NECTIN1: variants seen among roughly 807,000 people sequenced by gnomAD.
NECTIN1 encodes nectin cell adhesion molecule 1, also known as nectin-1.
In NECTIN1, 23 loss-of-function variants were observed where a neutral mutation model predicts 48.0. The observed-to-expected ratio is 0.48, with a 90% CI of 0.34 to 0.68. The LOEUF is 0.68. NECTIN1 is among the 30% of genes least tolerant of loss of function. NECTIN1 has a pLI of 0.01. For missense variants in NECTIN1, 591 were observed against 709.9 expected (o/e 0.83, Z 1.90); for synonymous variants, 270 against 288.9 (o/e 0.93, Z 0.66).
chr11:119,673,724 A>C lies in NECTIN1; in HGVS notation c.1003+1435T>G, dbSNP rs1280229475. Among the ~76,000 whole-genome samples the C allele has an allele frequency of 6.6e-6, 1 of 150,512 alleles. No individual in the cohort carries two copies. On this transcript the variant is annotated intron_variant, in intron 5 of 5. Transcript: ENST00000264025. This position sits in a 1 kb window ranked among gnomAD's most constrained non-coding sequence, Gnocchi z 5.8. ...ATGGAACACAGGCCCTGCCCTTCCC[A>C]CCTCCCCCTTGACTCCCCCAGTATC...
chr11:119,721,939 AG>A (rs1865837932), intron 1 of NECTIN1, among the ~76,000 whole-genome samples: 1 of 152,216 alleles, frequency 6.6e-6, no homozygotes, highest in African/African-American at 2.4e-5. Flanking sequence ...TCACTTCCCC[AG>A]GGAGCTGCCA....
At chr11:119,675,378 C>G in intron 4 of NECTIN1, 68 bp from the exon 5 acceptor site, 15 of 1,588,300 alleles carry the variant, frequency 9.4e-6, no homozygotes, top group Non-Finnish European at 1.3e-5. Flanking sequence ...TCCTGGGTCA[C>G]CCACTTGGCT....
rs142557114 is a variant in NECTIN1 at position 119,648,143 on chromosome 11, C to T, written c.1004-8131G>A. 1.9e-3 allele frequency among the ~76,000 whole-genome samples: 263 copies of T among 140,020 alleles called. 1 individual carries two copies. Among genetic ancestry groups the T allele is most frequent in the Admixed American group, 2.6e-3 (36 of 13,660 alleles). 91.9% of individuals were successfully genotyped at this position (140,020 alleles called of 152,430 possible). On this transcript the variant is annotated intron_variant, in intron 5 of 7. Transcript: ENST00000341398. Reference sequence around the variant, plus strand: ...AAGCACGTGAGAGCCTGGCACTGAGCGGCGCCCAGAAATAATAGGAATAGG... The same window carrying T: ...AAGCACGTGAGAGCCTGGCACTGAGTGGCGCCCAGAAATAATAGGAATAGG...
intron 5 of NECTIN1, among the ~76,000 whole-genome samples, chr11:119,668,430 T>C (rs1398455649): frequency 1.3e-5 from 2 of 152,242 alleles, no homozygotes; most frequent in Non-Finnish European, 2.9e-5. Flanking sequence ...CTGTGCAGTC[T>C]GGCCTTCAAA....
chr11:119,648,264 A>AGTG lies in NECTIN1; in HGVS notation c.1004-8255_1004-8253dup, dbSNP rs1351679476. 1.7e-4 allele frequency among the ~76,000 whole-genome samples: 5 copies of AGTG among 29,754 alleles called. 1 individual carries two copies. Among genetic ancestry groups the AGTG allele is most frequent in the Non-Finnish European group, 2.8e-4 (5 of 17,856 alleles). The allele number at this position is 29,754 out of a possible 152,430, so 19.5% of individuals were successfully genotyped here. ...TAGTGGTGGTGATAGAGGTGGTAAT[A>AGTG]GTGGTGGTGGTGATGGTGGTGGTGA... On this transcript the variant is annotated intron_variant, in intron 5 of 7. Coordinates refer to the NECTIN1 transcript ENST00000341398.
intron 5 of NECTIN1, among the ~76,000 whole-genome samples, chr11:119,648,310 G>GTGGTGGTGA (rs1864434674): frequency 1.7e-4 from 1 of 5,944 alleles, no homozygotes; most frequent in African/African-American, 5.2e-4. Context: ...GGTGGTGATG[G>GTGGTGGTGA]TGGTGATGGT....
At chr11:119,703,278 C>T (rs1865486831) in intron 1 of NECTIN1, among the ~76,000 whole-genome samples, 2 of 152,220 alleles carry the variant, frequency 1.3e-5, no homozygotes, top group African/African-American at 2.4e-5. Flanking sequence ...TTCTGCCTGG[C>T]CCCACTCTGT....
Position 119,672,155 on chromosome 11 carries a change from A to G in NECTIN1, c.1003+3004T>C, listed in dbSNP as rs1864869232. Among the ~76,000 whole-genome samples the G allele has an allele frequency of 4.6e-5, 7 of 152,288 alleles. No homozygotes were observed. In the South Asian group the frequency reaches 1.5e-3, roughly 32 times the overall value. ...GAGCCCGGGCTTCACTGGAAATGTG[A>G]GTTGGGACAGACGCCCTGCACCCTG... On this transcript the variant is annotated intron_variant, in intron 5 of 5. Transcript: ENST00000264025. The surrounding 1 kb of genome is among the most constrained non-coding windows in gnomAD (Gnocchi z 4.3).
chr11:119,700,624 A>T lies in NECTIN1; in HGVS notation c.80-21859T>A, dbSNP rs138855626. ...GTGGGTGGGGAGTGTTCACTTCCAC[A>T]TTCCCAGGGTCCTGTAGCTCAGCGG... On this transcript the variant is annotated intron_variant, in intron 1 of 5. Transcript: ENST00000264025. 1.5e-3 allele frequency among the ~76,000 whole-genome samples: 229 copies of T among 152,312 alleles called. 1 individual carries two copies. The highest frequency in any genetic ancestry group is 6.8e-3 in the Middle Eastern group (2 of 294).
Position 119,665,071 on chromosome 11 carries a change from T to C in NECTIN1, c.1230A>G (p.Pro410=). 2 of 1,613,902 alleles carry C rather than the reference T, an allele frequency of 1.2e-6. No individual in the cohort carries two copies. The highest frequency in any genetic ancestry group is 1.7e-6 in the Non-Finnish European group (2 of 1,179,942). ...GGTACTGCAGGTTCTGTGCCATTGG[T>C]GGGTGGTGCTGGGGGATGCCTGCCT... ...YSKAGIPQHH[P]PMAQNLQYPD... The change falls in exon 6 of 6, where the codon CCA becomes CCG. Residue 410 remains proline (P), a synonymous_variant. Coordinates refer to ENST00000264025, the MANE Select transcript of NECTIN1 (RefSeq NM_002855.5). The surrounding 1 kb of genome is among the most constrained non-coding windows in gnomAD (Gnocchi z 5.1).
chr11:119,702,979 T>C (rs567467208), intron 1 of NECTIN1, among the ~76,000 whole-genome samples: 4 of 152,286 alleles, frequency 2.6e-5, no homozygotes, highest in South Asian at 4.1e-4. Flanking sequence ...TTGCTCTATG[T>C]TCCCACCAGG....
intron 7 of NECTIN1, chr11:119,638,702 G>C: frequency 6.3e-7 from 1 of 1,599,188 alleles, no homozygotes; most frequent in Non-Finnish European, 8.6e-7. Flanking sequence ...GCAGTCCAGG[G>C]ACCTTGTCCT....
At chr11:119,654,307 C>A (rs1057365779) in intron 5 of NECTIN1, 2 of 152,238 alleles carry the variant, frequency 1.3e-5, no homozygotes, top group South Asian at 2.1e-4. Context: ...AACCATCCAA[C>A]CCCCTCTTGC....
intron 1 of NECTIN1, among the ~76,000 whole-genome samples, chr11:119,716,447 C>G (rs1470486552): frequency 6.6e-6 from 1 of 152,192 alleles, no homozygotes; most frequent in Non-Finnish European, 1.5e-5. Flanking sequence ...CCCCTTCCAG[C>G]CTCTTATCAT....
At chr11:119,676,639 C>T (rs1203751751) in intron 4 of NECTIN1, among the ~76,000 whole-genome samples, 1 of 152,234 alleles carries the variant, frequency 6.6e-6, no homozygotes, top group Non-Finnish European at 1.5e-5. Context: ...TCCATGAGCA[C>T]AGGCATTCTA....
rs562987484 is a variant in NECTIN1, at chr11:119,638,895, C to T, written c.1152-89G>A. The T allele has an allele frequency of 1.5e-4, 181 of 1,214,452 alleles. No individual in the cohort carries two copies. The African/African-American group carries it at 2.6e-3, about 17-fold the overall frequency. The allele number at this position is 1,214,452 out of a possible 1,614,324, so 75.2% of individuals were successfully genotyped here. ...ACCAGACAGCTACCGGTCCCTGAGC[C>T]CCACTCACAAGAGCAGGCCCGGGAG... On this transcript the variant is annotated intron_variant, in intron 6 of 7. Transcript: ENST00000341398.
intron 1 of NECTIN1, among the ~76,000 whole-genome samples, chr11:119,681,712 C>T (rs761122471): frequency 3.9e-5 from 6 of 152,160 alleles, no homozygotes; most frequent in Admixed American, 2.0e-4. Context: ...TCTTTTCTGT[C>T]CACTGTGGCA....
intron 1 of NECTIN1, 135 bp downstream of exon 1, chr11:119,728,339 AC>A: frequency 1.3e-6 from 1 of 772,632 alleles, no homozygotes. Flanking sequence ...GCCACCTCCC[AC>A]CCCCTTTACC....
At chr11:119,686,819 C>A (rs1186697171) in intron 1 of NECTIN1, among the ~76,000 whole-genome samples, 1 of 152,210 alleles carries the variant, frequency 6.6e-6, no homozygotes, top group Non-Finnish European at 1.5e-5. Flanking sequence ...TCCTGCACCC[C>A]CAGGGTCCCA....
Sources: gnomAD v4.1 joint callset for allele counts (sites outside exome capture counted in the v4.1 genomes callset) on GRCh38, gnomAD v4.1.1 for gene constraint, Gnocchi (gnomAD v3.1) non-coding constraint, MANE v1.5 for transcripts, NCBI Gene and HGNC (gene_info 2026-07-23, HGNC 2026-07-21) for gene names.